Variants in CNNM2 observed in about 807,000 individuals in gnomAD.
CNNM2 encodes the protein cyclin and CBS domain divalent metal cation transport mediator 2.
CNNM2 carries 12 observed loss-of-function variants against 66.9 expected under a neutral mutation model. The observed-to-expected ratio is 0.18, with a 90% CI of 0.11 to 0.29. CNNM2 has a LOEUF of 0.29. Ranked by LOEUF, CNNM2 falls within the 10% of genes least tolerant of loss-of-function variation. The pLI is 1.00. For synonymous variants in CNNM2, 557 were observed against 501.8 expected, an observed-to-expected ratio of 1.11 and a Z score of -1.47; for missense variants, 705 against 1,167.7, an observed-to-expected ratio of 0.60 and a Z score of 5.77.
intron 2 of CNNM2, 119 bp downstream of exon 2, chr10:103,049,969 T>G (rs577312589): frequency 1.1e-6 from 1 of 934,152 alleles, no homozygotes; most frequent in Admixed American, 2.4e-5. Context: ...ATGATGTGTG[T>G]AGGCCGTGCA....
At chr10:103,059,725 C>T (rs2065352708) in intron 4 of CNNM2, among the ~76,000 whole-genome samples, 1 of 151,316 alleles carries the variant, frequency 6.6e-6, no homozygotes. Flanking sequence ...AGTGTTTTTC[C>T]ACCATCATAG....
Position 103,054,174 on chromosome 10 carries a change from C to T in CNNM2, c.1766-155C>T, listed in dbSNP as rs1435384931. On this transcript the variant is annotated intron_variant, in intron 2 of 7. Coordinates refer to ENST00000369878, the MANE Select transcript of CNNM2 (RefSeq NM_017649.5). The surrounding 1 kb of genome is among the most constrained non-coding windows in gnomAD (Gnocchi z 5.2). ...GCTGATTTGATGAGGATCTGGCTCT[C>T]CCTCCCTCCTTCCCCGTGGCATCTG... Among the ~76,000 whole-genome samples, 1 of 152,170 alleles carries T rather than the reference C, an allele frequency of 6.6e-6. No individual in the cohort carries two copies. Among genetic ancestry groups the T allele is most frequent in the African/African-American group, 2.4e-5 (1 of 41,446 alleles).
intron 1 of CNNM2, among the ~76,000 whole-genome samples, chr10:102,981,249 C>T (rs1288955134): frequency 6.6e-6 from 1 of 151,922 alleles, no homozygotes; most frequent in Non-Finnish European, 1.5e-5. Flanking sequence ...ACTTGAGAGG[C>T]TGAGATGGGA....
At chr10:102,921,645 A>G (rs1564805913) in intron 1 of CNNM2, among the ~76,000 whole-genome samples, 2 of 152,228 alleles carry the variant, frequency 1.3e-5, no homozygotes, top group Non-Finnish European at 2.9e-5. Context: ...TAATTAGAGC[A>G]TCTAACTTCT....
chr10:102,950,835 A>G (rs1846798640), intron 1 of CNNM2, among the ~76,000 whole-genome samples: 1 of 152,212 alleles, frequency 6.6e-6, no homozygotes, highest in Non-Finnish European at 1.5e-5. Flanking sequence ...CAAGAATTGC[A>G]AGATAAAAGT....
intron 1 of CNNM2, among the ~76,000 whole-genome samples, chr10:102,982,217 A>G (rs2063730535): frequency 2.0e-5 from 3 of 152,014 alleles, no homozygotes; most frequent in Admixed American, 2.0e-4. Context: ...TTTAAATCTC[A>G]CTATTAGCAC....
chr10:103,033,250 A>G (rs1376512065), intron 1 of CNNM2, among the ~76,000 whole-genome samples: 2 of 151,908 alleles, frequency 1.3e-5, no homozygotes, highest in African/African-American at 2.4e-5. Flanking sequence ...GTACAATGGC[A>G]TGATCTCAGC....
chr10:102,927,706 C>T (rs1845919165), intron 1 of CNNM2: 6 of 305,778 alleles, frequency 2.0e-5, no homozygotes, highest in South Asian at 4.9e-5. Context: ...CGGAGGTTGC[C>T]GTGAGCTGAG....
chr10:103,046,652 T>G (rs1031191731), intron 1 of CNNM2, among the ~76,000 whole-genome samples: 1 of 152,220 alleles, frequency 6.6e-6, no homozygotes, highest in Non-Finnish European at 1.5e-5. Flanking sequence ...AAAAATATTT[T>G]CTAAAACAAA....
At position 103,016,947 on chromosome 10, in the gene CNNM2, C is replaced by T. The variant is rs553164516; in HGVS notation, c.1622-32760C>T. Among the ~76,000 whole-genome samples, 38 of 150,832 alleles carry T rather than the reference C, an allele frequency of 2.5e-4. No individual in the cohort carries two copies. The highest frequency in any genetic ancestry group is 5.9e-4 in the African/African-American group (24 of 41,024). The stretch of plus-strand genomic sequence containing the variant: ...TGCAACATAGGGCTTTTTTTTTGGG[C>T]GGGGGGTACTTTGTCATATAGTTTT... On this transcript the variant is annotated intron_variant, in intron 1 of 7. Transcript: ENST00000369878.
At position 102,980,453 on chromosome 10, in the gene CNNM2, A is replaced by G. The variant is rs7902218; in HGVS notation, c.1621+60352A>G. ...CCTGGCTAATTTTTGTATCTTTTGT[A>G]GAGACAGGGTCTCGCCATGTTATCC... On this transcript the variant is annotated intron_variant, in intron 1 of 7. Coordinates refer to ENST00000369878, the MANE Select transcript of CNNM2 (RefSeq NM_017649.5). 0.45 allele frequency among the ~76,000 whole-genome samples: 68,557 copies of G among 151,074 alleles called. 16,175 individuals carry two copies. The highest frequency in any genetic ancestry group is 0.53 in the Non-Finnish European group (36,203 of 67,796).
intron 1 of CNNM2, among the ~76,000 whole-genome samples, chr10:102,925,800 T>C (rs1192774262): frequency 6.6e-6 from 1 of 152,218 alleles, no homozygotes; most frequent in Non-Finnish European, 1.5e-5. Context: ...TAAGTCCAAG[T>C]GTGTGAGCTC....
intron 1 of CNNM2, among the ~76,000 whole-genome samples, chr10:102,993,900 T>A (rs2063940145): frequency 6.6e-6 from 1 of 152,266 alleles, no homozygotes; most frequent in Non-Finnish European, 1.5e-5. Context: ...TAAAGGGGCA[T>A]CCCTTTGGAG....
intron 1 of CNNM2, among the ~76,000 whole-genome samples, chr10:103,017,962 T>TAAAAAAAAAAAAAAAA (rs2064487247): frequency 5.5e-5 from 2 of 36,384 alleles, no homozygotes; most frequent in Non-Finnish European, 1.3e-4. Context: ...AGAATCTGTC[T>TAAAAAAAAAAAAAAAA]CAAAAAAAAA....
intron 1 of CNNM2, among the ~76,000 whole-genome samples, chr10:103,029,355 C>T (rs1205105090): frequency 4.0e-5 from 6 of 151,314 alleles, no homozygotes; most frequent in Non-Finnish European, 7.4e-5. Flanking sequence ...GTAATCCCAG[C>T]TCCTCAGGAG....
At chr10:103,013,911 A>G (rs923479503) in intron 1 of CNNM2, among the ~76,000 whole-genome samples, 1 of 152,226 alleles carries the variant, frequency 6.6e-6, no homozygotes, top group Non-Finnish European at 1.5e-5. Flanking sequence ...GTAATTCTAG[A>G]TCTAGGGTCA....
intron 1 of CNNM2, among the ~76,000 whole-genome samples, chr10:102,998,643 AC>A (rs1341232706): frequency 2.0e-5 from 3 of 152,142 alleles, no homozygotes; most frequent in Non-Finnish European, 4.4e-5. Flanking sequence ...CACAGGTGAC[AC>A]GATCTTCTAT....
In CNNM2 at chr10:103,080,149, A is replaced by G; in HGVS notation, c.*2969A>G. On this transcript the variant is annotated 3_prime_UTR_variant, in exon 8 of 8. Coordinates refer to ENST00000369878, the MANE Select transcript of CNNM2 (RefSeq NM_017649.5). ...GGAGTGGGTCGAGTGGACCAGATGC[A>G]GACCCCTGAGTTCTGGATACTGATG... 6.6e-6 allele frequency: 1 copy of G among 152,318 alleles called. No individual in the cohort carries two copies. The highest frequency in any genetic ancestry group is 1.5e-5 in the Non-Finnish European group (1 of 68,050). The allele number at this position is 152,318 out of a possible 1,614,324, so 9.4% of individuals were successfully genotyped here.
intron 1 of CNNM2, among the ~76,000 whole-genome samples, chr10:102,972,737 C>CT (rs1430917444): frequency 6.6e-6 from 1 of 151,890 alleles, no homozygotes; most frequent in African/African-American, 2.4e-5. Context: ...GTGTTTTTTT[C>CT]TTTGAGAGTG....
Sources: gnomAD v4.1 joint callset for allele counts (sites outside exome capture counted in the v4.1 genomes callset) on GRCh38, gnomAD v4.1.1 for gene constraint, Gnocchi (gnomAD v3.1) non-coding constraint, MANE v1.5 for transcripts, NCBI Gene and HGNC (gene_info 2026-07-23, HGNC 2026-07-21) for gene names.